Variants in ZNF423 observed in about 807,000 individuals in gnomAD.
ZNF423 encodes zinc finger protein 423, also known as Ebf-associated zinc finger protein.
A neutral mutation model predicts 95.8 loss-of-function variants in ZNF423; 12 were observed. The observed-to-expected ratio is 0.13, with a 90% CI of 0.08 to 0.20. ZNF423 has a LOEUF of 0.20. ZNF423 is among the 10% of genes least tolerant of loss of function. The probability of loss-of-function intolerance (pLI) is 1.00; values close to 1 mark genes in which losing one functional copy is unlikely to be tolerated. For synonymous variants in ZNF423, 749 were observed against 711.9 expected (o/e 1.05, Z -0.83); for missense variants, 1,316 against 1,737.1 (o/e 0.76, Z 4.31).
At chr16:49,801,694 CTG>C (rs1359069622) in intron 1 of ZNF423, among the ~76,000 whole-genome samples, 3 of 152,246 alleles carry the variant, frequency 2.0e-5, no homozygotes, top group Non-Finnish European at 4.4e-5. Context: ...ACTCAGGAAT[CTG>C]TGTTTTTGCA....
At chr16:49,672,544 T>C (rs1164100479) in intron 3 of ZNF423, among the ~76,000 whole-genome samples, 3 of 152,110 alleles carry the variant, frequency 2.0e-5, no homozygotes, top group Non-Finnish European at 4.4e-5. Context: ...AGGCTGGGCA[T>C]GGTGGTTCAC....
intron 3 of ZNF423, among the ~76,000 whole-genome samples, chr16:49,697,325 T>G (rs1399452056): frequency 6.6e-6 from 1 of 152,146 alleles, no homozygotes; most frequent in Non-Finnish European, 1.5e-5. Flanking sequence ...CCAGGAATCC[T>G]GTGCAAGGGA....
intron 4 of ZNF423, among the ~76,000 whole-genome samples, chr16:49,627,463 A>T (rs892009176): frequency 4.2e-5 from 6 of 143,940 alleles, no homozygotes; most frequent in African/African-American, 1.1e-4. Flanking sequence ...ATACCCACCC[A>T]TCCATCCTCC....
chr16:49,651,046 G>T (rs1386320844), intron 3 of ZNF423, among the ~76,000 whole-genome samples: 1 of 151,472 alleles, frequency 6.6e-6, no homozygotes, highest in Non-Finnish European at 1.5e-5. Context: ...TTAGAGACAG[G>T]GTCTCCCTCT....
At chr16:49,781,859 C>T (rs1309407611) in intron 2 of ZNF423, among the ~76,000 whole-genome samples, 1 of 152,168 alleles carries the variant, frequency 6.6e-6, no homozygotes, top group East Asian at 1.9e-4. Flanking sequence ...CAAGGAGGTC[C>T]CAGGACACCA....
intron 7 of ZNF423, chr16:49,518,361 C>T (rs1249761214): frequency 2.8e-5 from 12 of 427,726 alleles, no homozygotes; most frequent in Non-Finnish European, 5.5e-5. Context: ...CAAAGAATAT[C>T]ATAAAAATGA....
intron 7 of ZNF423, among the ~76,000 whole-genome samples, chr16:49,510,853 C>T (rs1033206255): frequency 1.3e-5 from 2 of 152,244 alleles, no homozygotes; most frequent in Non-Finnish European, 1.5e-5. Context: ...CGGCTCGCCA[C>T]ACACACAATG....
chr16:49,761,612 A>G (rs1303183352), intron 2 of ZNF423, among the ~76,000 whole-genome samples: 10 of 152,232 alleles, frequency 6.6e-5, no homozygotes, highest in Admixed American at 1.3e-4. Flanking sequence ...GAGTAAATGC[A>G]GCAACATGCG....
intron 5 of ZNF423, among the ~76,000 whole-genome samples, chr16:49,562,005 C>T (rs942861069): frequency 6.6e-6 from 1 of 152,140 alleles, no homozygotes. Flanking sequence ...ATTTAAGAGA[C>T]TAGACAACAG....
At chr16:49,563,266 T>C (rs1221985029) in intron 5 of ZNF423, among the ~76,000 whole-genome samples, 1 of 152,084 alleles carries the variant, frequency 6.6e-6, no homozygotes, top group Non-Finnish European at 1.5e-5. Context: ...AGCTGATTGT[T>C]AAAAACAGCC....
intron 1 of ZNF423, among the ~76,000 whole-genome samples, chr16:49,811,962 G>T (rs2034760762): frequency 6.6e-6 from 1 of 152,206 alleles, no homozygotes; most frequent in African/African-American, 2.4e-5. Flanking sequence ...AGAGAAGCAG[G>T]CTCTGTCCCG....
At chr16:49,670,503 C>T (rs1205746370) in intron 3 of ZNF423, among the ~76,000 whole-genome samples, 2 of 152,210 alleles carry the variant, frequency 1.3e-5, no homozygotes, top group East Asian at 1.9e-4. Flanking sequence ...TCCCTACCTG[C>T]CCAACTCTGC....
chr16:49,702,902 TGCACAC>T (rs1308954212), intron 3 of ZNF423, among the ~76,000 whole-genome samples: 4 of 130,816 alleles, frequency 3.1e-5, no homozygotes, highest in African/African-American at 1.1e-4. Context: ...CCTGCCTGTG[TGCACAC>T]GCACACACAC....
intron 5 of ZNF423, among the ~76,000 whole-genome samples, chr16:49,609,974 T>C (rs1281327550): frequency 1.3e-5 from 2 of 152,122 alleles, no homozygotes; most frequent in African/African-American, 2.4e-5. Flanking sequence ...GAAAAAATAA[T>C]TCAAATGACA....
chr16:49,717,146 T>C (rs2032731931), intron 3 of ZNF423, among the ~76,000 whole-genome samples: 1 of 152,174 alleles, frequency 6.6e-6, no homozygotes, highest in Non-Finnish European at 1.5e-5. Context: ...ACTTCTGGAA[T>C]TGGTCCTGGT....
intron 5 of ZNF423, among the ~76,000 whole-genome samples, chr16:49,582,260 C>G (rs2151803306): frequency 6.6e-6 from 1 of 152,306 alleles, no homozygotes; most frequent in Admixed American, 6.5e-5. Flanking sequence ...TTCTCATCCC[C>G]CATGGCTTCC....
chr16:49,666,841 AG>A (rs951545409), intron 3 of ZNF423, among the ~76,000 whole-genome samples: 14 of 152,188 alleles, frequency 9.2e-5, no homozygotes, highest in African/African-American at 3.4e-4. Context: ...GCAATGGAGG[AG>A]GGGAAACAAA....
intron 1 of ZNF423, among the ~76,000 whole-genome samples, chr16:49,846,499 G>T (rs2035247848): frequency 6.6e-6 from 1 of 152,124 alleles, no homozygotes; most frequent in Non-Finnish European, 1.5e-5. Flanking sequence ...CAAAAACAGT[G>T]AATCTTCCCA....
At position 49,730,819 on chromosome 16, in the gene ZNF423, C is replaced by T. The variant is rs1413346530; in HGVS notation, c.253G>A (p.Glu85Lys). ...YTCDHCQQDFESLADLTDHRA... is the reference protein window; with the variant it reads ...YTCDHCQQDFKSLADLTDHRA... ...TGGTCCGTCAGGTCTGCCAGAGACT[C>T]GAAGTCCTGCTGACAGTGATCGCAG... The change falls in exon 3 of 8, where the codon GAG becomes AAG. Residue 85 changes from glutamate to lysine, a missense_variant. Around this residue, in one of 6 missense-constraint regions of ZNF423, gnomAD observed 155 missense variants for 170.8 expected, o/e 0.91. Transcript: ENST00000563137. The T allele has an allele frequency of 3.7e-6, 6 of 1,614,096 alleles. No homozygotes were observed. In the African/African-American group the frequency reaches 6.7e-5, roughly 18 times the overall value.
Sources: gnomAD v4.1 joint callset for allele counts (sites outside exome capture counted in the v4.1 genomes callset) on GRCh38, gnomAD v4.1.1 for gene constraint, gnomAD v4.1.1 regional missense constraint, MANE v1.5 for transcripts, NCBI Gene and HGNC (gene_info 2026-07-23, HGNC 2026-07-21) for gene names.